ASS1: variants seen among roughly 807,000 people sequenced by gnomAD.
The protein encoded by ASS1 is argininosuccinate synthase 1.
A neutral mutation model predicts 60.5 loss-of-function variants in ASS1; 58 were observed. The ratio of observed to expected loss-of-function variants is 0.96; its 90% confidence interval spans 0.78 to 1.19. The LOEUF (loss-of-function observed/expected upper bound fraction) is 1.19. ASS1 is among the 50% of genes most tolerant of loss of function. ASS1 has a pLI of 0.00. For missense variants in ASS1, 454 were observed against 547.3 expected (o/e 0.83, Z 1.70); for synonymous variants, 200 against 206.9 (o/e 0.97, Z 0.29).
intron 4 of ASS1, among the ~76,000 whole-genome samples, chr9:130,461,316 C>T (rs1158910404): frequency 6.6e-6 from 1 of 152,188 alleles, no homozygotes; most frequent in Admixed American, 6.5e-5. Context: ...CCTCCCGCAG[C>T]CGTGTGCGCC....
intron 11 of ASS1, among the ~76,000 whole-genome samples, chr9:130,487,330 C>G (rs546627901): frequency 1.3e-5 from 2 of 151,326 alleles, no homozygotes; most frequent in Admixed American, 6.6e-5. Context: ...GGTTAGTGCA[C>G]GAGGGCTCAG....
rs1309048736 is a variant in ASS1, at chr9:130,476,697, C to T, written c.598-174C>T. On this transcript the variant is annotated intron_variant, in intron 8 of 14. Transcript: ENST00000352480. This position sits in a 1 kb window ranked among gnomAD's most constrained non-coding sequence, Gnocchi z 4.9. ...CTCCAGCCCTTTGTTTCCCAGGCCTCTGGCAAGCGAGGCTGGTGCTAGGCT... is the reference window on the plus strand; with the variant it reads ...CTCCAGCCCTTTGTTTCCCAGGCCTTTGGCAAGCGAGGCTGGTGCTAGGCT... 18 of 680,428 alleles carry T rather than the reference C, an allele frequency of 2.6e-5. No individual in the cohort carries two copies. The highest frequency in any genetic ancestry group is 5.3e-5 in the East Asian group (2 of 37,808). The allele number at this position is 680,428 out of a possible 1,614,324, so 42.1% of individuals were successfully genotyped here. A position where few individuals can be genotyped will look rare whatever the true frequency, so the allele number is the denominator to read the frequency against.
chr9:130,461,490 C>T (rs1845593241), intron 4 of ASS1, among the ~76,000 whole-genome samples: 2 of 152,174 alleles, frequency 1.3e-5, no homozygotes, highest in Non-Finnish European at 2.9e-5. Flanking sequence ...AGTGCTATGG[C>T]CGCTCGGGAC....
In ASS1 at chr9:130,480,352, C is replaced by T. The variant is rs759094980; in HGVS notation, c.774-33C>T. The stretch of plus-strand genomic sequence containing the variant: ...TGGGTGACTCTGAGCCTTGCGGTAG[C>T]GCCCGAACCTAATGGACCAGTTCTT... On this transcript the variant is annotated intron_variant, in intron 10 of 14. Transcript: ENST00000352480. 5.6e-6 allele frequency: 9 copies of T among 1,613,766 alleles called. No homozygotes were observed. In the East Asian group the frequency reaches 1.3e-4, roughly 24 times the overall value.
rs1013784875 is a variant in ASS1 at position 130,489,411 on chromosome 9, T to C, written c.917T>C (p.Val306Ala). 1 of 1,614,066 alleles carries C rather than the reference T, an allele frequency of 6.2e-7. No homozygotes were observed. ...DIEAFTMDREVRKIKQGLGLK... is the reference protein window; with the variant it reads ...DIEAFTMDREARKIKQGLGLK... ...GAGGCCTTCACCATGGACCGGGAAG[T>C]GCGCAAAATCAAACAAGGCCTGGGC... is the stretch of plus-strand genomic sequence containing the variant. Residue 306 changes from valine to alanine, a missense_variant, in exon 12 of 15, where the codon GTG becomes GCG. Val to Ala is a moderately conservative substitution (Grantham distance 64). Transcript: ENST00000352480. The surrounding 1 kb of genome is among the most constrained non-coding windows in gnomAD (Gnocchi z 4.1).
chr9:130,456,570 AT>A (rs887738048), intron 3 of ASS1, among the ~76,000 whole-genome samples: 3 of 152,124 alleles, frequency 2.0e-5, no homozygotes, highest in African/African-American at 7.2e-5. Context: ...TTTTTATTTC[AT>A]TTTTTAAAAG....
intron 5 of ASS1, 124 bp from the exon 6 acceptor site, chr9:130,466,601 C>A (rs1845748842): frequency 1.1e-6 from 1 of 886,250 alleles, no homozygotes; most frequent in Non-Finnish European, 1.8e-6. Context: ...CAACAGCATC[C>A]TCTCTGGGGA....
intron 13 of ASS1, 146 bp downstream of exon 13, chr9:130,495,169 G>A: frequency 2.5e-6 from 3 of 1,189,300 alleles, no homozygotes; most frequent in Non-Finnish European, 2.4e-6. Context: ...ACACCACTAT[G>A]CTCCCGTGGA....
intron 4 of ASS1, among the ~76,000 whole-genome samples, chr9:130,461,468 G>GC (rs202160990): frequency 0.11 from 14,286 of 129,904 alleles, 849 homozygotes; most frequent in South Asian, 0.16. Context: ...TGAGGAGAAC[G>GC]CCCCCCAAGC....
At chr9:130,458,011 T>C (rs770840691) in intron 3 of ASS1, among the ~76,000 whole-genome samples, 15 of 151,884 alleles carry the variant, frequency 9.9e-5, no homozygotes, top group Non-Finnish European at 2.1e-4. Context: ...ATACAAAAAT[T>C]AGCAAGCCAT....
chr9:130,474,106 T>A (rs1007001003), intron 8 of ASS1, among the ~76,000 whole-genome samples: 1 of 119,956 alleles, frequency 8.3e-6, no homozygotes, highest in African/African-American at 3.2e-5. Flanking sequence ...GCCCTCCCGC[T>A]GGGAGGGATA....
intron 1 of ASS1, among the ~76,000 whole-genome samples, chr9:130,451,143 G>A (rs1250160472): frequency 6.6e-6 from 1 of 152,188 alleles, no homozygotes; most frequent in Admixed American, 6.5e-5. Flanking sequence ...GGTGCAGGGC[G>A]AGCCCAAGGG....
At chr9:130,445,208 G>C in intron 1 of ASS1, 4 of 985,078 alleles carry the variant, frequency 4.1e-6, no homozygotes, top group Non-Finnish European at 4.8e-6. Flanking sequence ...GGTTTCTGGA[G>C]CGTGGGGGAC....
Position 130,458,536 on chromosome 9 carries a change from G to A in ASS1, c.310G>A (p.Glu104Lys). Residue 104 changes from glutamate to lysine, a missense_variant, in exon 4 of 15, where the codon GAA becomes AAA. Physicochemically the swap from Glu to Lys is moderately conservative, Grantham distance 56. Coordinates refer to ENST00000352480, the MANE Select transcript of ASS1 (RefSeq NM_054012.4). ...ARPCIARKQV[E>K]IAQREGAKYV... ...GCCCTGCATCGCCCGCAAACAAGTG[G>A]AAATCGCCCAGCGGGAGGGGGCCAA... 6.2e-7 allele frequency: 1 copy of A among 1,613,406 alleles called. No individual in the cohort carries two copies. The highest frequency in any genetic ancestry group is 8.5e-7 in the Non-Finnish European group (1 of 1,179,890).
At chr9:130,472,690 G>T (rs1242774857) in intron 8 of ASS1, among the ~76,000 whole-genome samples, 1 of 152,198 alleles carries the variant, frequency 6.6e-6, no homozygotes, top group Non-Finnish European at 1.5e-5. Context: ...GCTGCCTGCT[G>T]GTCACAGGTT....
At chr9:130,464,328 G>T (rs1237969157) in intron 5 of ASS1, among the ~76,000 whole-genome samples, 161 bp downstream of exon 5, 1 of 151,902 alleles carries the variant, frequency 6.6e-6, no homozygotes, top group Non-Finnish European at 1.5e-5. Context: ...GGCTCCCTTC[G>T]CTGGGGCCAG....
At position 130,459,541 on chromosome 9, in the gene ASS1, C is replaced by T. The variant is rs942734239; in HGVS notation, c.363+952C>T. Among the ~76,000 whole-genome samples, 3 of 152,096 alleles carry T rather than the reference C, an allele frequency of 2.0e-5. No individual in the cohort carries two copies. Among genetic ancestry groups the T allele is most frequent in the African/African-American group, 7.2e-5 (3 of 41,408 alleles). ...CTGCCTCCCAGATTGAAGCAATTCT[C>T]CTGCCTCAGCCTCCTGAGTAGCTGG... On this transcript the variant is annotated intron_variant, in intron 4 of 14. Coordinates refer to ENST00000352480, the MANE Select transcript of ASS1 (RefSeq NM_054012.4). The surrounding 1 kb of genome is among the most constrained non-coding windows in gnomAD (Gnocchi z 4.6).
At chr9:130,498,038 A>G (rs1423282598) in intron 13 of ASS1, among the ~76,000 whole-genome samples, 1 of 152,180 alleles carries the variant, frequency 6.6e-6, no homozygotes, top group Non-Finnish European at 1.5e-5. Flanking sequence ...TCAAGGAGGT[A>G]CAGGAGCATG....
chr9:130,474,933 G>A (rs1414528738), intron 8 of ASS1, among the ~76,000 whole-genome samples: 1 of 152,220 alleles, frequency 6.6e-6, no homozygotes, highest in Non-Finnish European at 1.5e-5. Context: ...TTCAGGGAAG[G>A]TTCTGGGTTC....
Sources: allele counts gnomAD v4.1 joint callset (sites outside exome capture counted in the v4.1 genomes callset), GRCh38; gene constraint gnomAD v4.1.1; non-coding constraint Gnocchi (gnomAD v3.1); transcripts MANE v1.5; gene names NCBI Gene and HGNC (gene_info 2026-07-23, HGNC 2026-07-21).